MAP3K5: variants seen among roughly 807,000 people sequenced by gnomAD.
MAP3K5 encodes mitogen-activated protein kinase kinase kinase 5.
MAP3K5 carries 56 observed loss-of-function variants against 158.7 expected under a neutral mutation model. The observed-to-expected ratio is 0.35, with a 90% CI of 0.28 to 0.44. The LOEUF is 0.44. Among genes scored for constraint, MAP3K5 ranks in the 20% least tolerant of loss-of-function variants. The pLI is 1.00. For synonymous variants in MAP3K5, 579 were observed against 601.7 expected (o/e 0.96, Z 0.55); for missense variants, 1,294 against 1,674.8 (o/e 0.77, Z 3.97).
At chr6:136,767,635 G>T (rs763601476) in intron 1 of MAP3K5, among the ~76,000 whole-genome samples, 1 of 151,998 alleles carries the variant, frequency 6.6e-6, no homozygotes, top group East Asian at 1.9e-4. Context: ...AGAATATCGG[G>T]GACAGTTAAA....
In MAP3K5 at chr6:136,783,747, T is replaced by C. The variant is rs141831358; in HGVS notation, c.448+7963A>G. On this transcript the variant is annotated intron_variant, in intron 1 of 29. Transcript: ENST00000359015. ...TCATTGCACAGCACACTGTCAGCCC[T>C]GGAGTCAGTAGCCAATAATGCATTT... Among the ~76,000 whole-genome samples the C allele has an allele frequency of 4.5e-3, 693 of 152,342 alleles. 1 individual carries two copies. The highest frequency in any genetic ancestry group is 7.7e-3 in the Non-Finnish European group (526 of 68,036).
chr6:136,678,489 T>C (rs1009289508), intron 7 of MAP3K5, among the ~76,000 whole-genome samples: 9 of 152,116 alleles, frequency 5.9e-5, no homozygotes, highest in Non-Finnish European at 7.4e-5. Context: ...TGTAAATCTA[T>C]ACATAAAGAA....
At chr6:136,738,137 A>G (rs1782552817) in intron 1 of MAP3K5, among the ~76,000 whole-genome samples, 1 of 152,208 alleles carries the variant, frequency 6.6e-6, no homozygotes, top group Admixed American at 6.5e-5. Context: ...TAAATTGCAC[A>G]ATCATTTTTT....
At chr6:136,618,758 T>C (rs576555336) in intron 15 of MAP3K5, among the ~76,000 whole-genome samples, 42 of 152,386 alleles carry the variant, frequency 2.8e-4, no homozygotes, top group African/African-American at 1.0e-3. Context: ...TTTCTATTAC[T>C]GTTTCATAAG....
At chr6:136,642,619 A>G (rs1253554854) in intron 11 of MAP3K5, 50 bp from the exon 12 acceptor site, 3 of 1,208,798 alleles carry the variant, frequency 2.5e-6, no homozygotes, top group Non-Finnish European at 3.6e-6. Context: ...GGAAAATAAC[A>G]TAACAACAAT....
rs1316107012 is a variant in MAP3K5 at position 136,568,019 on chromosome 6, T to A, written c.3518-145A>T. On this transcript the variant is annotated intron_variant, in intron 25 of 29. Transcript: ENST00000359015. ...TTCCAAAAGTGAGGATGGATTTCTG[T>A]AGACTCAGATTTGTTCTTCTATTGA... 34 of 833,812 alleles carry A rather than the reference T, an allele frequency of 4.1e-5. No individual in the cohort carries two copies. The East Asian group carries it at 8.6e-4, about 21-fold the overall frequency. 51.7% of individuals were successfully genotyped at this position (833,812 alleles called of 1,614,324 possible).
intron 8 of MAP3K5, among the ~76,000 whole-genome samples, chr6:136,663,533 GT>G (rs77357087): frequency 8.8e-5 from 13 of 148,452 alleles, no homozygotes; most frequent in African/African-American, 3.0e-4. Flanking sequence ...GTCTCTTATA[GT>G]TTTTTTTTCC....
At chr6:136,635,327 G>A (rs964539310) in intron 14 of MAP3K5, among the ~76,000 whole-genome samples, 2 of 152,034 alleles carry the variant, frequency 1.3e-5, no homozygotes, top group Admixed American at 6.6e-5. Flanking sequence ...ATAATCAAAC[G>A]AGCCCTGAAG....
intron 7 of MAP3K5, among the ~76,000 whole-genome samples, chr6:136,681,931 T>A (rs1333811826): frequency 1.3e-5 from 2 of 151,896 alleles, no homozygotes; most frequent in African/African-American, 4.8e-5. Flanking sequence ...AAAAAAAAAA[T>A]TATGAATTCT....
chr6:136,714,978 T>C (rs1781460122), intron 2 of MAP3K5, among the ~76,000 whole-genome samples: 2 of 152,136 alleles, frequency 1.3e-5, no homozygotes, highest in Non-Finnish European at 1.5e-5. Context: ...TGTAGACAGG[T>C]TGCCACAGAG....
chr6:136,611,107 C>CAAAAAAAAAAAA (rs59508317), intron 18 of MAP3K5, among the ~76,000 whole-genome samples, 175 bp downstream of exon 18: 9 of 24,452 alleles, frequency 3.7e-4, no homozygotes, highest in East Asian at 3.6e-3. Flanking sequence ...GACCCTGTCT[C>CAAAAAAAAAAAA]AAAAAAAAAA....
At position 136,562,563 on chromosome 6, in the gene MAP3K5, G is replaced by A. The variant is rs139944939; in HGVS notation, c.3814C>T (p.Arg1272Ter). 1.2e-6 allele frequency: 2 copies of A among 1,603,998 alleles called. No individual in the cohort carries two copies. The highest frequency in any genetic ancestry group is 4.6e-5 in the East Asian group (2 of 43,610). ...KEKELQALLH[R>*]AIEEKDQEIK... ...TCTTGGTCTTTTTCTTCAATAGCTC[G>A]ATGAAGGAGTGCTTGTAATTCTTTC... The change falls in exon 27 of 30, where the codon CGA (arginine) becomes TGA (stop). Residue 1272 changes from arginine (R) to a stop codon, truncating the protein, a stop_gained. Transcript: ENST00000359015. LOFTEE classifies it high-confidence loss of function.
intron 27 of MAP3K5, 150 bp from the exon 28 acceptor site, chr6:136,561,795 T>A: frequency 1.8e-6 from 1 of 549,816 alleles, no homozygotes; most frequent in Non-Finnish European, 3.3e-6. Flanking sequence ...GCAGTATAGA[T>A]GATAATATGA....
At chr6:136,649,813 C>T (rs1778436808) in intron 11 of MAP3K5, among the ~76,000 whole-genome samples, 1 of 152,188 alleles carries the variant, frequency 6.6e-6, no homozygotes, top group Non-Finnish European at 1.5e-5. Flanking sequence ...CAAATTATTT[C>T]ATTTAACCTT....
chr6:136,669,992 A>G (rs1310953424), intron 7 of MAP3K5, among the ~76,000 whole-genome samples: 1 of 152,122 alleles, frequency 6.6e-6, no homozygotes, highest in Non-Finnish European at 1.5e-5. Flanking sequence ...TTAAAAATAT[A>G]CAGAGCACTG....
intron 18 of MAP3K5, among the ~76,000 whole-genome samples, chr6:136,607,212 G>A (rs571833083): frequency 2.0e-4 from 31 of 152,116 alleles, no homozygotes; most frequent in African/African-American, 7.5e-4. Flanking sequence ...TTGTTGTCTC[G>A]GGGCCTAGAA....
chr6:136,624,346 GA>G lies in MAP3K5; in HGVS notation c.2017-1366del, dbSNP rs1320115053. 2.6e-5 allele frequency among the ~76,000 whole-genome samples: 4 copies of G among 152,064 alleles called. No individual in the cohort carries two copies. In the East Asian group the frequency reaches 7.7e-4, roughly 29 times the overall value. ...AAAGCAGAGTTGATAAAATTTCAAA[GA>G]AAAATACACAAATATCAACCACAAT... On this transcript the variant is annotated intron_variant, in intron 14 of 29. Transcript: ENST00000359015.
intron 1 of MAP3K5, among the ~76,000 whole-genome samples, chr6:136,787,169 C>T (rs1245747019): frequency 6.6e-6 from 1 of 152,076 alleles, no homozygotes; most frequent in Non-Finnish European, 1.5e-5. Flanking sequence ...TTGAGACCTG[C>T]CTAGGCAATA....
chr6:136,591,842 T>C (rs1033782263), intron 23 of MAP3K5, among the ~76,000 whole-genome samples: 1 of 152,236 alleles, frequency 6.6e-6, no homozygotes, highest in East Asian at 1.9e-4. Context: ...CATGGCTTAA[T>C]GTGTGTTTAT....
Sources: gnomAD v4.1 joint callset for allele counts (sites outside exome capture counted in the v4.1 genomes callset) on GRCh38, gnomAD v4.1.1 for gene constraint, MANE v1.5 for transcripts, NCBI Gene and HGNC (gene_info 2026-07-23, HGNC 2026-07-21) for gene names.